Variants in AMPH observed in about 807,000 individuals in gnomAD.
AMPH encodes amphiphysin (Stiff-Mann syndrome with breast cancer 128kD autoantigen).
Under a neutral mutation model 99.1 loss-of-function variants are expected in AMPH, and 49 were observed. That is an observed-to-expected ratio of 0.49 (90% CI 0.39 to 0.63). The LOEUF is 0.63. Ranked by LOEUF, AMPH falls within the 20% of genes least tolerant of loss-of-function variation. The pLI is 0.00. For synonymous variants in AMPH, 314 were observed against 317.3 expected, an observed-to-expected ratio of 0.99 and a Z score of 0.11; for missense variants, 759 against 863.4, an observed-to-expected ratio of 0.88 and a Z score of 1.52.
intron 17 of AMPH, among the ~76,000 whole-genome samples, chr7:38,412,772 G>C (rs1035502728): frequency 6.6e-6 from 1 of 152,180 alleles, no homozygotes; most frequent in Non-Finnish European, 1.5e-5. Context: ...ATGGAAGGAG[G>C]ACGCAGCTGA....
intron 20 of AMPH, among the ~76,000 whole-genome samples, chr7:38,387,643 C>A (rs1784383813): frequency 6.6e-6 from 1 of 151,524 alleles, no homozygotes; most frequent in South Asian, 2.1e-4. Context: ...ATCAAGAAGT[C>A]CAACTTAAGT....
At chr7:38,439,031 A>G (rs1460348593) in intron 11 of AMPH, among the ~76,000 whole-genome samples, 8 of 152,150 alleles carry the variant, frequency 5.3e-5, no homozygotes. Flanking sequence ...AGTTTCCCCA[A>G]TGCTGTTCTC....
chr7:38,463,415 C>T (rs1787531448), intron 9 of AMPH, among the ~76,000 whole-genome samples: 1 of 152,140 alleles, frequency 6.6e-6, no homozygotes. Context: ...ACTCTAAAAT[C>T]ACCCAGCCAT....
intron 11 of AMPH, among the ~76,000 whole-genome samples, chr7:38,445,006 T>TAC (rs1458527907): frequency 1.6e-5 from 2 of 127,844 alleles, no homozygotes; most frequent in East Asian, 3.1e-4. Flanking sequence ...TATATATATA[T>TAC]ATATACACAC....
intron 1 of AMPH, among the ~76,000 whole-genome samples, chr7:38,539,670 TG>T (rs983363046): frequency 3.3e-5 from 5 of 152,170 alleles, no homozygotes; most frequent in African/African-American, 4.8e-5. Flanking sequence ...TGAGCAGCAC[TG>T]GGGTGAGGTC....
chr7:38,574,080 G>A (rs1039051462), intron 1 of AMPH, among the ~76,000 whole-genome samples: 8 of 152,160 alleles, frequency 5.3e-5, no homozygotes, highest in Admixed American at 3.9e-4. Flanking sequence ...TTAAGTATAA[G>A]GCAAAGGTGT....
At position 38,391,898 on chromosome 7, in the gene AMPH, G is replaced by A. The variant is rs1784508255; in HGVS notation, c.1728C>T (p.Gly576=). 1 of 1,612,640 alleles carries A rather than the reference G, an allele frequency of 6.2e-7. No homozygotes were observed. Among genetic ancestry groups the A allele is most frequent in the South Asian group, 1.1e-5 (1 of 90,994 alleles). ...KETTEDAAPP[G]PTSETPELAT... is the part of the protein sequence containing the mutation. ...CCAGCTCCGGTGTCTCGCTGGTGGGGCCCGGAGGAGCCGCGTCCTCGGTGG... is the reference window on the plus strand; with the variant it reads ...CCAGCTCCGGTGTCTCGCTGGTGGGACCCGGAGGAGCCGCGTCCTCGGTGG... Residue 576 remains glycine (G), a synonymous_variant, in exon 19 of 21, where the codon GGC becomes GGT. Coordinates refer to ENST00000356264, the MANE Select transcript of AMPH (RefSeq NM_001635.4).
At chr7:38,615,405 A>G (rs1277797432) in intron 1 of AMPH, among the ~76,000 whole-genome samples, 1 of 152,140 alleles carries the variant, frequency 6.6e-6, no homozygotes, top group Non-Finnish European at 1.5e-5. Flanking sequence ...TTAAGTCTAA[A>G]AAGGGAGATA....
At position 38,417,966 on chromosome 7, in the gene AMPH, T is replaced by C. The variant is rs1785445551; in HGVS notation, c.1273-16A>G. On this transcript the variant is annotated splice_polypyrimidine_tract_variant and intron_variant, in intron 16 of 20. Coordinates refer to ENST00000356264, the MANE Select transcript of AMPH (RefSeq NM_001635.4). ...CAGATTCAGCCTTGGAGTGTTTGTT[T>C]TGAGGGTTAGAGGAAAAAGATTCAA... 1.2e-6 allele frequency: 2 copies of C among 1,611,386 alleles called. No homozygotes were observed. The highest frequency in any genetic ancestry group is 1.7e-6 in the Non-Finnish European group (2 of 1,178,760).
chr7:38,567,456 C>T (rs1791787084), intron 1 of AMPH, among the ~76,000 whole-genome samples: 1 of 152,090 alleles, frequency 6.6e-6, no homozygotes, highest in African/African-American at 2.4e-5. Flanking sequence ...TTGATGGGTG[C>T]AGCAAACCAA....
At chr7:38,627,279 C>T (rs1353000308) in intron 1 of AMPH, among the ~76,000 whole-genome samples, 1 of 151,450 alleles carries the variant, frequency 6.6e-6, no homozygotes, top group African/African-American at 2.4e-5. Context: ...CGCGGTGGCT[C>T]GCACCTATAA....
chr7:38,586,958 A>T (rs948174791), intron 1 of AMPH, among the ~76,000 whole-genome samples: 1 of 152,074 alleles, frequency 6.6e-6, no homozygotes, highest in Non-Finnish European at 1.5e-5. Flanking sequence ...TATTTCTCCT[A>T]TCACACACTT....
At chr7:38,460,861 A>T (rs1421351526) in intron 11 of AMPH, among the ~76,000 whole-genome samples, 1 of 152,216 alleles carries the variant, frequency 6.6e-6, no homozygotes, top group Non-Finnish European at 1.5e-5. Flanking sequence ...AGACGACTTG[A>T]AATGTTACCA....
chr7:38,573,642 GC>G (rs1175457769), intron 1 of AMPH, among the ~76,000 whole-genome samples: 1 of 152,176 alleles, frequency 6.6e-6, no homozygotes, highest in African/African-American at 2.4e-5. Context: ...AAATCTATCA[GC>G]CCTCTGTGGT....
At chr7:38,428,726 T>G (rs1410677064) in intron 14 of AMPH, 1 of 456,914 alleles carries the variant, frequency 2.2e-6, no homozygotes, top group South Asian at 1.5e-5. Context: ...CAAAGCCTTC[T>G]ATCATTCCAC....
At chr7:38,413,788 C>A (rs1273849321) in intron 17 of AMPH, among the ~76,000 whole-genome samples, 2 of 152,154 alleles carry the variant, frequency 1.3e-5, no homozygotes, top group African/African-American at 2.4e-5. Flanking sequence ...TTAATAAGGG[C>A]AGACAATAAT....
intron 2 of AMPH, among the ~76,000 whole-genome samples, chr7:38,514,907 G>A (rs1789681052): frequency 6.6e-6 from 1 of 152,168 alleles, no homozygotes; most frequent in African/African-American, 2.4e-5. Flanking sequence ...TTAGAATTGG[G>A]TAATGGATAG....
chr7:38,467,118 T>C (rs960393758), intron 7 of AMPH, among the ~76,000 whole-genome samples: 1 of 152,116 alleles, frequency 6.6e-6, no homozygotes, highest in Non-Finnish European at 1.5e-5. Flanking sequence ...CACAGTGTGT[T>C]TGGGAAATGG....
At chr7:38,534,830 C>A in intron 2 of AMPH, 101 bp downstream of exon 2, 1 of 973,770 alleles carries the variant, frequency 1.0e-6, no homozygotes, top group South Asian at 1.5e-5. Flanking sequence ...AGTGCCAACT[C>A]CATCTAGTCT....
Sources: gnomAD v4.1 joint callset for allele counts (sites outside exome capture counted in the v4.1 genomes callset) on GRCh38, gnomAD v4.1.1 for gene constraint, MANE v1.5 for transcripts, NCBI Gene and HGNC (gene_info 2026-07-23, HGNC 2026-07-21) for gene names.